The following ADARB2 variants were observed in gnomAD, a reference collection of about 807,000 sequenced individuals.
The protein encoded by ADARB2 is adenosine deaminase RNA specific B2 (inactive), also known as inactive double-stranded RNA-specific editase B2.
A neutral mutation model predicts 62.2 loss-of-function variants in ADARB2; 25 were observed. That is an observed-to-expected ratio of 0.40 (90% CI 0.29 to 0.56). The LOEUF is 0.56. Ranked by LOEUF, ADARB2 falls within the 20% of genes least tolerant of loss-of-function variation. The pLI is 0.43. For missense variants in ADARB2, 1,071 were observed against 1,077.4 expected, an observed-to-expected ratio of 0.99 and a Z score of 0.08; for synonymous variants, 572 against 500.8, an observed-to-expected ratio of 1.14 and a Z score of -1.90.
At position 1,190,291 on chromosome 10, in the gene ADARB2, G is replaced by A. The variant is rs192810523; in HGVS notation, c.1865-5252C>T. Among the ~76,000 whole-genome samples, 270 of 151,136 alleles carry A rather than the reference G, an allele frequency of 1.8e-3. 3 individuals carry two copies. The highest frequency in any genetic ancestry group is 5.6e-3 in the African/African-American group (225 of 40,492). ...CGCTTCTCACTCTGCAGGCCGCCCTGTGAGGCCAAAATTCCTGTGAACCTC... is the reference window on the plus strand; with the variant it reads ...CGCTTCTCACTCTGCAGGCCGCCCTATGAGGCCAAAATTCCTGTGAACCTC... On this transcript the variant is annotated intron_variant, in intron 8 of 9. Transcript: ENST00000381312.
At chr10:1,272,735 TC>T (rs1353102895) in intron 3 of ADARB2, among the ~76,000 whole-genome samples, 2 of 152,234 alleles carry the variant, frequency 1.3e-5, no homozygotes, top group African/African-American at 4.8e-5. Context: ...AGCTGTCCTG[TC>T]TTTCGTGTCT....
At chr10:1,385,219 C>G (rs913558450) in intron 1 of ADARB2, among the ~76,000 whole-genome samples, 15 of 151,728 alleles carry the variant, frequency 9.9e-5, no homozygotes, top group Admixed American at 2.0e-4. Flanking sequence ...TCCACAAAGC[C>G]CAGCAAATAA....
chr10:1,673,265 G>A (rs771970740), intron 1 of ADARB2, among the ~76,000 whole-genome samples: 1 of 151,624 alleles, frequency 6.6e-6, no homozygotes, highest in Non-Finnish European at 1.5e-5. Flanking sequence ...ATGTATAATA[G>A]ATCATATATA....
intron 1 of ADARB2, among the ~76,000 whole-genome samples, chr10:1,576,120 AGGGGGCCCAGGG>A (rs1833015098): frequency 3.5e-5 from 1 of 28,810 alleles, no homozygotes; most frequent in Non-Finnish European, 7.4e-5. Context: ...GAGTCACAGG[AGGGGGCCCAGGG>A]TCACAAGAGG....
chr10:1,240,848 G>A (rs1185112798), intron 5 of ADARB2, among the ~76,000 whole-genome samples: 6 of 152,196 alleles, frequency 3.9e-5, no homozygotes, highest in Admixed American at 2.6e-4. Flanking sequence ...ACATTTAGGA[G>A]AAATCCTTCC....
At chr10:1,638,526 C>T (rs1228607121) in intron 1 of ADARB2, among the ~76,000 whole-genome samples, 1 of 151,546 alleles carries the variant, frequency 6.6e-6, no homozygotes, top group African/African-American at 2.4e-5. Flanking sequence ...TTGGTCAGGC[C>T]AATTATAGCG....
At chr10:1,548,183 T>C (rs528725870) in intron 1 of ADARB2, among the ~76,000 whole-genome samples, 2 of 152,242 alleles carry the variant, frequency 1.3e-5, no homozygotes, top group Admixed American at 6.5e-5. Context: ...CAGGTGAGTT[T>C]TCCAGCTGGT....
At chr10:1,354,906 G>A (rs1004018758) in intron 3 of ADARB2, among the ~76,000 whole-genome samples, 2 of 152,222 alleles carry the variant, frequency 1.3e-5, no homozygotes, top group African/African-American at 4.8e-5. Flanking sequence ...TTCCCATGGG[G>A]AGCAAGACCC....
Position 1,477,665 on chromosome 10 carries a change from C to T in ADARB2, c.101-98505G>A, listed in dbSNP as rs1319932004. On this transcript the variant is annotated intron_variant, in intron 1 of 9. Coordinates refer to ENST00000381312, the MANE Select transcript of ADARB2 (RefSeq NM_018702.4). The surrounding 1 kb of genome is among the most constrained non-coding windows in gnomAD (Gnocchi z 4.5). ...TAAAAATATGGGGACCAACATGAAG[C>T]GTCAGCCTGTGCGCCTCTTTCCAGA... 1.3e-5 allele frequency among the ~76,000 whole-genome samples: 2 copies of T among 152,192 alleles called. No homozygotes were observed. Among genetic ancestry groups the T allele is most frequent in the Non-Finnish European group, 2.9e-5 (2 of 68,034 alleles).
At position 1,321,190 on chromosome 10, in the gene ADARB2, C is replaced by T. The variant is rs78240078; in HGVS notation, c.1077+41838G>A. 7.9e-3 allele frequency among the ~76,000 whole-genome samples: 1,206 copies of T among 152,184 alleles called. 24 individuals carry two copies. The highest frequency in any genetic ancestry group is 0.027 in the African/African-American group (1,104 of 41,500). The stretch of plus-strand genomic sequence containing the variant: ...TATGATGGTGTCATACAGATCTCTC[C>T]TCCTACACACTTTGCAGAAGCACTG... On this transcript the variant is annotated intron_variant, in intron 3 of 9. Transcript: ENST00000381312.
At chr10:1,275,779 A>G (rs1723339392) in intron 3 of ADARB2, among the ~76,000 whole-genome samples, 1 of 151,468 alleles carries the variant, frequency 6.6e-6, no homozygotes, top group South Asian at 2.1e-4. Flanking sequence ...ACTTTGCAAT[A>G]GTTTGCTGAG....
At chr10:1,353,344 C>T (rs1045115565) in intron 3 of ADARB2, among the ~76,000 whole-genome samples, 9 of 152,182 alleles carry the variant, frequency 5.9e-5, no homozygotes, top group Non-Finnish European at 8.8e-5. Context: ...CCCTCCTTAG[C>T]GAACATCCGC....
intron 7 of ADARB2, among the ~76,000 whole-genome samples, chr10:1,201,331 T>C (rs1324995995): frequency 6.6e-6 from 1 of 151,792 alleles, no homozygotes; most frequent in Admixed American, 6.6e-5. Context: ...AAAGGTAATA[T>C]TTATATACAA....
At chr10:1,287,070 A>G (rs542351451) in intron 3 of ADARB2, among the ~76,000 whole-genome samples, 1 of 152,290 alleles carries the variant, frequency 6.6e-6, no homozygotes, top group East Asian at 1.9e-4. Context: ...GAGGAGGCGT[A>G]TGTTGGGGTG....
rs1039667917 is a variant in ADARB2, at chr10:1,245,511, C to A, written c.1193-3212G>T. Among the ~76,000 whole-genome samples, 90 of 146,116 alleles carry A rather than the reference C, an allele frequency of 6.2e-4. 1 individual carries two copies. Among genetic ancestry groups the A allele is most frequent in the African/African-American group, 2.1e-3 (81 of 39,444 alleles). On this transcript the variant is annotated intron_variant, in intron 4 of 9. Transcript: ENST00000381312. ...CCTCCCCCCACCCCACAACAGGCCC[C>A]GGTGTGTGATGTTCCCCTTCCTGTG...
Position 1,206,006 on chromosome 10 carries a change from G to A in ADARB2, c.1683-5859C>T, listed in dbSNP as rs1472907992. Among the ~76,000 whole-genome samples the A allele has an allele frequency of 2.0e-5, 3 of 152,050 alleles. No homozygotes were observed. The South Asian group carries it at 6.2e-4, about 31-fold the overall frequency. ...GTCACGGGGCAGCCCGCTGGGGTCAGGTGGTTCACGGGGCAGCTGGGCTCA... is the reference window on the plus strand; with the variant it reads ...GTCACGGGGCAGCCCGCTGGGGTCAAGTGGTTCACGGGGCAGCTGGGCTCA... On this transcript the variant is annotated intron_variant, in intron 7 of 9. Transcript: ENST00000381312.
chr10:1,594,928 G>A (rs955413088), intron 1 of ADARB2, among the ~76,000 whole-genome samples: 5 of 152,128 alleles, frequency 3.3e-5, no homozygotes, highest in East Asian at 1.9e-4. Flanking sequence ...GCACACAGCC[G>A]CTGAGCGCCC....
At chr10:1,277,169 T>C (rs1831325476) in intron 3 of ADARB2, among the ~76,000 whole-genome samples, 1 of 152,146 alleles carries the variant, frequency 6.6e-6, no homozygotes, top group Non-Finnish European at 1.5e-5. Flanking sequence ...GATCTGAAAT[T>C]GACACCCTAA....
Position 1,470,914 on chromosome 10 carries a change from C to T in ADARB2, c.101-91754G>A, listed in dbSNP as rs1353203439. On this transcript the variant is annotated intron_variant, in intron 1 of 9. Coordinates refer to ENST00000381312, the MANE Select transcript of ADARB2 (RefSeq NM_018702.4). ...TCTCTACTAAAAATACAAAAATTAG[C>T]CGGGCATGGTGGCAGGTGCCTGTAG... 3.3e-5 allele frequency among the ~76,000 whole-genome samples: 5 copies of T among 152,232 alleles called. No homozygotes were observed. In the East Asian group the frequency reaches 9.7e-4, roughly 29 times the overall value.
Sources: gnomAD v4.1 joint callset for allele counts (sites outside exome capture counted in the v4.1 genomes callset) on GRCh38, gnomAD v4.1.1 for gene constraint, Gnocchi (gnomAD v3.1) non-coding constraint, MANE v1.5 for transcripts, NCBI Gene and HGNC (gene_info 2026-07-23, HGNC 2026-07-21) for gene names.